The following USP53 variants were observed in gnomAD, a reference collection of about 807,000 sequenced individuals.
The protein encoded by USP53 is ubiquitin specific peptidase 53, also known as ubiquitin carboxyl-terminal hydrolase 53.
Under a neutral mutation model 94.9 loss-of-function variants are expected in USP53, and 71 were observed. The ratio of observed to expected loss-of-function variants is 0.75; its 90% CI spans 0.62 to 0.91. The LOEUF (loss-of-function observed/expected upper bound fraction) is 0.91, where lower values mean the gene tolerates loss of function less well. Among genes scored for constraint, USP53 ranks in the 40% least tolerant of loss-of-function variants. The pLI, the probability that USP53 is intolerant of heterozygous loss-of-function variation, is 0.00. For missense variants in USP53, 1,173 were observed against 1,281.0 expected (o/e 0.92, Z 1.29); for synonymous variants, 375 against 422.7 (o/e 0.89, Z 1.39).
chr4:119,283,177 GC>G (rs1296546360), intron 17 of USP53, among the ~76,000 whole-genome samples: 2 of 151,920 alleles, frequency 1.3e-5, no homozygotes. Flanking sequence ...TAATGTTTTA[GC>G]CCCTGTTTTA....
Position 119,217,588 on chromosome 4 carries a change from G to A in USP53, c.-750G>A, listed in dbSNP as rs752544717. The A allele has an allele frequency of 2.6e-5, 4 of 152,156 alleles. No homozygotes were observed. The highest frequency in any genetic ancestry group is 4.4e-5 in the Non-Finnish European group (3 of 68,038). The allele number at this position is 152,156 out of a possible 1,614,324, so 9.4% of individuals were successfully genotyped here. On this transcript the variant is annotated 5_prime_UTR_variant, in exon 3 of 19. Transcript: ENST00000692078. ...GCTTTACATTCTAAGTGGATTTGGA[G>A]AAGAGACAATAAAGAATAAGCAGTC...
Position 119,292,885 on chromosome 4 carries a change from G to A in USP53, c.2896G>A (p.Ala966Thr). 6.2e-7 allele frequency: 1 copy of A among 1,614,086 alleles called. No homozygotes were observed. The highest frequency in any genetic ancestry group is 2.2e-5 in the East Asian group (1 of 44,886). ...SHLPKHSLST[A>T]SEPSLEVSTH... ...TCTTCCGAAGCACAGTTTAAGTACAGCTTCAGAACCAAGTTTAGAAGTGAG... is the reference window on the plus strand; with the variant it reads ...TCTTCCGAAGCACAGTTTAAGTACAACTTCAGAACCAAGTTTAGAAGTGAG... Residue 966 changes from alanine (A) to threonine (T), a missense_variant, in exon 19 of 19, where the codon GCT becomes ACT. Physicochemically the swap from Ala to Thr is moderately conservative, Grantham distance 58. Transcript: ENST00000692078.
chr4:119,227,818 C>T (rs1169928216), intron 3 of USP53, among the ~76,000 whole-genome samples: 2 of 152,060 alleles, frequency 1.3e-5, no homozygotes, highest in Admixed American at 6.5e-5. Context: ...ATAATAACCC[C>T]AAAATGGAAA....
chr4:119,266,113 G>A (rs951507795), intron 12 of USP53, among the ~76,000 whole-genome samples: 13 of 152,118 alleles, frequency 8.5e-5, no homozygotes, highest in Admixed American at 2.0e-4. Context: ...TATATAAATG[G>A]TCTCTTACAG....
rs1755045160 is a variant in USP53, at chr4:119,293,984, T to C, written c.*773T>C. The C allele has an allele frequency of 6.6e-6, 1 of 152,160 alleles. No individual in the cohort carries two copies. The highest frequency in any genetic ancestry group is 2.1e-4 in the South Asian group (1 of 4,832). 9.4% of individuals were successfully genotyped at this position (152,160 alleles called of 1,614,324 possible). A position where few individuals can be genotyped will look rare whatever the true frequency, so the allele number is the denominator to read the frequency against. On this transcript the variant is annotated 3_prime_UTR_variant, in exon 19 of 19. Transcript: ENST00000692078. ...TAAGATAAATTAGGCCTTTGACTAT[T>C]ATAGGTATTCATAAATGCTACTTTA...
chr4:119,227,256 T>TACACACACAC (rs3138727), intron 3 of USP53, among the ~76,000 whole-genome samples: 3,121 of 125,052 alleles, frequency 0.025, 87 homozygotes, highest in African/African-American at 0.036. Flanking sequence ...TGTCTAACAC[T>TACACACACAC]ACACACACAC....
Position 119,223,016 on chromosome 4 carries a change from C to G in USP53, c.-665+5343C>G, listed in dbSNP as rs376333648. Among the ~76,000 whole-genome samples the G allele has an allele frequency of 1.8e-4, 27 of 152,184 alleles. 1 individual carries two copies. The South Asian group carries it at 5.2e-3, about 29-fold the overall frequency. ...GTTATACATACAGTTACTTTGGGAA[C>G]CAGTAAATCTGAATTTTCACTGTCT... On this transcript the variant is annotated intron_variant, in intron 3 of 18. Transcript: ENST00000692078.
At position 119,212,729 on chromosome 4, in the gene USP53, C is replaced by T. The variant is rs961272589; in HGVS notation, c.-1086C>T. 8 of 339,568 alleles carry T rather than the reference C, an allele frequency of 2.4e-5. No individual in the cohort carries two copies. The highest frequency in any genetic ancestry group is 6.5e-5 in the African/African-American group (3 of 46,458). 21.0% of individuals were successfully genotyped at this position (339,568 alleles called of 1,614,324 possible). On this transcript the variant is annotated 5_prime_UTR_variant, in exon 1 of 19. Transcript: ENST00000692078. ...CTGTGCTCCAGTTCCCGGTGAGCCT[C>T]GGTACTGTGGCAGCAGTCAGTGTGT...
chr4:119,264,188 A>T (rs1212038152), intron 12 of USP53, among the ~76,000 whole-genome samples: 1 of 152,240 alleles, frequency 6.6e-6, no homozygotes, highest in Non-Finnish European at 1.5e-5. Flanking sequence ...TGCCACTTCA[A>T]AATAGCATTC....
At chr4:119,251,559 A>C (rs1749009513) in intron 7 of USP53, among the ~76,000 whole-genome samples, 1 of 152,186 alleles carries the variant, frequency 6.6e-6, no homozygotes, top group Non-Finnish European at 1.5e-5. Context: ...CAACCTCTCC[A>C]GCATCTGTTG....
At chr4:119,257,858 C>A (rs1159440533) in intron 9 of USP53, among the ~76,000 whole-genome samples, 1 of 152,064 alleles carries the variant, frequency 6.6e-6, no homozygotes, top group Non-Finnish European at 1.5e-5. Context: ...CAAAGATAGA[C>A]AATAAGTTAA....
chr4:119,293,012 A>G lies in USP53; in HGVS notation c.3023A>G (p.Gln1008Arg). 6.2e-7 allele frequency: 1 copy of G among 1,614,160 alleles called. No homozygotes were observed. The highest frequency in any genetic ancestry group is 8.5e-7 in the Non-Finnish European group (1 of 1,179,974). The change falls in exon 19 of 19, where the codon CAG becomes CGG. Residue 1008 changes from glutamine (Q) to arginine (R), a missense_variant. Physicochemically the swap from Gln to Arg is conservative, Grantham distance 43. Coordinates refer to ENST00000692078, the MANE Select transcript of USP53 (RefSeq NM_001371395.1). The part of the protein sequence containing the change: ...CPSSSSTNDF[Q>R]ANSGAIDAFC... ...TCCAGCTCCTCAACTAACGATTTTC[A>G]GGCAAACTCAGGTGCCATTGATGCA...
At chr4:119,271,031 T>C (rs1415418327) in intron 15 of USP53, among the ~76,000 whole-genome samples, 1 of 152,224 alleles carries the variant, frequency 6.6e-6, no homozygotes, top group Non-Finnish European at 1.5e-5. Context: ...ATGAGTGAGA[T>C]AGAGTGCTTA....
At chr4:119,252,098 GGATAAGCTTTTT>G (rs1219412180) in intron 7 of USP53, among the ~76,000 whole-genome samples, 2 of 152,164 alleles carry the variant, frequency 1.3e-5, no homozygotes, top group African/African-American at 4.8e-5. Context: ...TGATCATGGC[GGATAAGCTTTTT>G]GATGTGCTGC....
chr4:119,293,082 G>GA lies in USP53; in HGVS notation c.3094dup (p.Thr1032AsnfsTer11). The GA allele has an allele frequency of 6.2e-7, 1 of 1,614,042 alleles. No individual in the cohort carries two copies. Among genetic ancestry groups the GA allele is most frequent in the Non-Finnish European group, 8.5e-7 (1 of 1,179,960 alleles). On this transcript the variant is annotated frameshift_variant, in exon 19 of 19. Coordinates refer to ENST00000692078, the MANE Select transcript of USP53 (RefSeq NM_001371395.1). LOFTEE classifies it high-confidence loss of function. Reference sequence around the variant, plus strand: ...ACTCTATTTCTACCTGTCCAAATGAGACAGTTTCATTAACTACCTATTTTT... The same window carrying GA: ...ACTCTATTTCTACCTGTCCAAATGAGAACAGTTTCATTAACTACCTATTTTT...
chr4:119,225,748 A>G (rs1470594428), intron 3 of USP53, among the ~76,000 whole-genome samples: 1 of 152,210 alleles, frequency 6.6e-6, no homozygotes, highest in Non-Finnish European at 1.5e-5. Context: ...CAAAAACAAA[A>G]ACAAAACAAA....
At chr4:119,245,654 A>G (rs62328372) in intron 6 of USP53, among the ~76,000 whole-genome samples, 32,323 of 152,118 alleles carry the variant, frequency 0.21, 4,049 homozygotes, top group South Asian at 0.32. Context: ...AATTGTTAGG[A>G]ACATTATCTT....
intron 3 of USP53, among the ~76,000 whole-genome samples, chr4:119,227,255 C>CCACACA (rs1561196812): frequency 2.4e-5 from 1 of 40,856 alleles, no homozygotes; most frequent in African/African-American, 1.1e-4. Flanking sequence ...TTGTCTAACA[C>CCACACA]TACACACACA....
intron 4 of USP53, among the ~76,000 whole-genome samples, chr4:119,238,169 T>C (rs763199965): frequency 1.7e-4 from 26 of 152,214 alleles, no homozygotes; most frequent in Admixed American, 7.9e-4. Flanking sequence ...TACTGCTTGA[T>C]GTAGGAAGCC....
Sources: allele counts gnomAD v4.1 joint callset (sites outside exome capture counted in the v4.1 genomes callset), GRCh38; gene constraint gnomAD v4.1.1; transcripts MANE v1.5; gene names NCBI Gene and HGNC (gene_info 2026-07-23, HGNC 2026-07-21).